The following MEGF10 variants were observed in gnomAD, a reference collection of about 807,000 sequenced individuals.
MEGF10 encodes multiple epidermal growth factor-like domains protein 10.
A neutral mutation model predicts 147.5 loss-of-function variants in MEGF10; 86 were observed. The ratio of observed to expected loss-of-function variants is 0.58; its 90% CI spans 0.49 to 0.70. The LOEUF (loss-of-function observed/expected upper bound fraction) is 0.70, where lower values mean the gene tolerates loss of function less well. Among genes scored for constraint, MEGF10 ranks in the 30% least tolerant of loss-of-function variants. The pLI is 0.00. For missense variants in MEGF10, 1,329 were observed against 1,487.3 expected (o/e 0.89, Z 1.75); for synonymous variants, 478 against 525.5 (o/e 0.91, Z 1.24).
At chr5:127,400,319 G>T (rs1764077393) in intron 7 of MEGF10, among the ~76,000 whole-genome samples, 1 of 152,168 alleles carries the variant, frequency 6.6e-6, no homozygotes, top group Non-Finnish European at 1.5e-5. Context: ...AAAAGAAGCT[G>T]TTTAAGGAGT....
At chr5:127,295,921 A>G (rs955270718) in intron 1 of MEGF10, among the ~76,000 whole-genome samples, 5 of 152,212 alleles carry the variant, frequency 3.3e-5, no homozygotes, top group Non-Finnish European at 7.3e-5. Flanking sequence ...CTAGCTTAGC[A>G]TAAGCCTGTA....
chr5:127,242,363 C>G, the MEGF10 span, among the ~76,000 whole-genome samples: 13 of 152,294 alleles, frequency 8.5e-5, no homozygotes, highest in African/African-American at 3.1e-4. Flanking sequence ...AACCCCTTCT[C>G]TGGTTAAAAG....
intron 7 of MEGF10, among the ~76,000 whole-genome samples, chr5:127,399,658 A>T (rs1764053786): frequency 6.6e-6 from 1 of 152,106 alleles, no homozygotes; most frequent in African/African-American, 2.4e-5. Flanking sequence ...ATTCAGCTTC[A>T]TTTCTCCAAA....
At chr5:127,440,237 C>T (rs1315549287) in intron 17 of MEGF10, among the ~76,000 whole-genome samples, 4 of 152,242 alleles carry the variant, frequency 2.6e-5, no homozygotes, top group African/African-American at 9.6e-5. Flanking sequence ...CATTCTAGTA[C>T]ACCTCTTCAG....
intron 1 of MEGF10, among the ~76,000 whole-genome samples, chr5:127,317,068 G>T (rs115111741): frequency 0.048 from 7,261 of 152,244 alleles, 248 homozygotes; most frequent in African/African-American, 0.081. Flanking sequence ...ACATGAGTTT[G>T]TTGAGTGATG....
At chr5:127,273,647 T>G in the MEGF10 span, among the ~76,000 whole-genome samples, 1 of 152,254 alleles carries the variant, frequency 6.6e-6, no homozygotes, top group African/African-American at 2.4e-5. Flanking sequence ...TGAAGATTCC[T>G]GAAGTAAACA....
At chr5:127,419,651 TA>T (rs1239900646) in intron 11 of MEGF10, among the ~76,000 whole-genome samples, 1 of 152,196 alleles carries the variant, frequency 6.6e-6, no homozygotes, top group Non-Finnish European at 1.5e-5. Context: ...GGTCCTGCTT[TA>T]AAGATGGTGT....
chr5:127,322,988 C>A (rs143052978), intron 1 of MEGF10, among the ~76,000 whole-genome samples: 1 of 151,678 alleles, frequency 6.6e-6, no homozygotes, highest in Non-Finnish European at 1.5e-5. Flanking sequence ...TATATACATA[C>A]GCACAAACAC....
intron 19 of MEGF10, chr5:127,445,243 T>C: frequency 1.8e-6 from 1 of 562,170 alleles, no homozygotes; most frequent in South Asian, 2.1e-5. Context: ...CTGTCTCTTT[T>C]TGAGGCTTAC....
At chr5:127,308,726 A>T (rs1047562231) in intron 1 of MEGF10, among the ~76,000 whole-genome samples, 10 of 148,280 alleles carry the variant, frequency 6.7e-5, no homozygotes, top group South Asian at 2.2e-4. Context: ...GGTGGGGGGA[A>T]GGGGGAGGGA....
At chr5:127,418,904 A>G (rs982096828) in intron 10 of MEGF10, among the ~76,000 whole-genome samples, 3 of 152,334 alleles carry the variant, frequency 2.0e-5, no homozygotes, top group East Asian at 3.9e-4. Flanking sequence ...TTTGGATCCC[A>G]TTTAATAATA....
At chr5:127,357,817 C>A (rs1762333226) in intron 4 of MEGF10, among the ~76,000 whole-genome samples, 1 of 152,120 alleles carries the variant, frequency 6.6e-6, no homozygotes, top group South Asian at 2.1e-4. Flanking sequence ...AGACTTTCAT[C>A]TTCCATGGAA....
chr5:127,362,659 C>A (rs191188573), intron 4 of MEGF10, among the ~76,000 whole-genome samples: 2 of 152,100 alleles, frequency 1.3e-5, no homozygotes, highest in Non-Finnish European at 2.9e-5. Flanking sequence ...CCACCGCACC[C>A]GGCCAAATAT....
At chr5:127,325,909 ATTTTT>A (rs201136774) in intron 1 of MEGF10, among the ~76,000 whole-genome samples, 12 of 105,080 alleles carry the variant, frequency 1.1e-4, no homozygotes, top group Admixed American at 6.4e-4. Flanking sequence ...ATATATATAT[ATTTTT>A]TTTTTTTTAA....
the MEGF10 span, among the ~76,000 whole-genome samples, chr5:127,273,040 C>G: frequency 6.6e-6 from 1 of 152,192 alleles, no homozygotes; most frequent in Non-Finnish European, 1.5e-5. Flanking sequence ...GTACAGACCT[C>G]CCTCCTTGCC....
intron 17 of MEGF10, among the ~76,000 whole-genome samples, chr5:127,439,391 CA>C (rs1765673676): frequency 1.3e-5 from 2 of 150,650 alleles, no homozygotes; most frequent in African/African-American, 4.9e-5. Context: ...CTGAGGAGGA[CA>C]GATGGGTCTG....
chr5:127,318,922 C>T (rs973119876), intron 1 of MEGF10, among the ~76,000 whole-genome samples: 2 of 152,152 alleles, frequency 1.3e-5, no homozygotes, highest in Non-Finnish European at 2.9e-5. Context: ...TCCTGAAAAA[C>T]CTGTGACTTG....
At chr5:127,357,944 C>A (rs1156891540) in intron 4 of MEGF10, among the ~76,000 whole-genome samples, 1 of 152,154 alleles carries the variant, frequency 6.6e-6, no homozygotes, top group African/African-American at 2.4e-5. Context: ...CAGGTCTAAC[C>A]TGATTTGTAA....
intron 7 of MEGF10, among the ~76,000 whole-genome samples, chr5:127,401,171 TC>T (rs772972758): frequency 4.2e-4 from 64 of 152,208 alleles, no homozygotes; most frequent in African/African-American, 1.5e-3. Context: ...AGTATGTTAT[TC>T]CTACAGTCAT....
Sources: allele counts gnomAD v4.1 joint callset (sites outside exome capture counted in the v4.1 genomes callset), GRCh38; gene constraint gnomAD v4.1.1; transcripts MANE v1.5; gene names NCBI Gene and HGNC (gene_info 2026-07-23, HGNC 2026-07-21).